Variants in PRC1 observed in about 807,000 individuals in gnomAD.
PRC1 encodes the protein protein regulator of cytokinesis 1.
In PRC1, 54 loss-of-function variants were observed where a neutral mutation model predicts 91.2. That is an observed-to-expected ratio of 0.59 (90% CI 0.48 to 0.74). The LOEUF is 0.74. Among genes scored for constraint, PRC1 ranks in the 30% least tolerant of loss-of-function variants. The pLI is 0.00. For missense variants in PRC1, 727 were observed against 746.2 expected (o/e 0.97, Z 0.30); for synonymous variants, 275 against 263.6 (o/e 1.04, Z -0.42).
chr15:90,968,722 G>A, intron 14 of PRC1: 1 of 1,120,390 alleles, frequency 8.9e-7, no homozygotes, highest in Non-Finnish European at 1.1e-6. Context: ...GAGCCTCATT[G>A]TAGGCAGCAC....
intron 12 of PRC1, 127 bp from the exon 13 acceptor site, chr15:90,969,750 G>C: frequency 1.3e-5 from 3 of 239,732 alleles, no homozygotes; most frequent in East Asian, 4.5e-5. Context: ...ATACTTTTTA[G>C]TTAAAAAAAA....
chr15:90,976,602 T>C (rs534498627), intron 9 of PRC1, 74 bp downstream of exon 9: 6 of 1,247,716 alleles, frequency 4.8e-6, no homozygotes, highest in Middle Eastern at 1.9e-4. Flanking sequence ...GGCTAAACAA[T>C]AGAAAGAAAA....
intron 1 of PRC1, among the ~76,000 whole-genome samples, chr15:90,990,151 T>C (rs1439893250): frequency 2.0e-5 from 3 of 151,674 alleles, no homozygotes; most frequent in Non-Finnish European, 4.4e-5. Context: ...GCCTGGCCAA[T>C]ATGGTGAAAC....
At chr15:90,983,850 G>A (rs779475649) in intron 3 of PRC1, 168 bp downstream of exon 3, 4 of 860,522 alleles carry the variant, frequency 4.6e-6, no homozygotes, top group Non-Finnish European at 6.8e-6. Flanking sequence ...CTACAGAGGT[G>A]AGAATTACTC....
chr15:90,989,982 G>A (rs2039862072), intron 1 of PRC1, among the ~76,000 whole-genome samples: 4 of 151,936 alleles, frequency 2.6e-5, no homozygotes, highest in Admixed American at 6.6e-5. Flanking sequence ...CCTCCCACCT[G>A]AGCCTCCGGA....
rs2039001253 is a variant in PRC1 at position 90,979,388 on chromosome 15, C to G, written c.971-94G>C. 3 of 1,376,774 alleles carry G rather than the reference C, an allele frequency of 2.2e-6. No individual in the cohort carries two copies. The South Asian group carries it at 4.0e-5, about 18-fold the overall frequency. 85.3% of individuals were successfully genotyped at this position (1,376,774 alleles called of 1,614,324 possible). ...CGATTCCCTAAAATGGAAATAGATTCTTTCCTTATAGTAAACTGATACAGG... is the reference window on the plus strand; with the variant it reads ...CGATTCCCTAAAATGGAAATAGATTGTTTCCTTATAGTAAACTGATACAGG... On this transcript the variant is annotated intron_variant, in intron 7 of 14. Transcript: ENST00000394249.
intron 8 of PRC1, among the ~76,000 whole-genome samples, chr15:90,977,504 G>A (rs1208770394): frequency 6.6e-6 from 1 of 151,050 alleles, no homozygotes; most frequent in African/African-American, 2.4e-5. Flanking sequence ...AGGATGGTAG[G>A]TAATTCATTT....
Position 90,969,106 on chromosome 15 carries a change from G to A in PRC1, c.1764C>T (p.Leu588=). The part of the protein sequence containing the change: ...TYSEFAKDPS[L]SDSSTVGLQR... ...GAAGCCCAACAGTGGAACTGTCAGA[G>A]AGGGACGGATCCTTCTAAGAACAAA... is the stretch of plus-strand genomic sequence containing the variant. Residue 588 remains leucine (L), a synonymous_variant, in exon 14 of 15, where the codon CTC becomes CTT. Coordinates refer to ENST00000394249, the MANE Select transcript of PRC1 (RefSeq NM_003981.4). 1 of 1,613,820 alleles carries A rather than the reference G, an allele frequency of 6.2e-7. No homozygotes were observed. The highest frequency in any genetic ancestry group is 1.3e-5 in the African/African-American group (1 of 75,030).
chr15:90,989,757 G>A (rs1162984833), intron 1 of PRC1, among the ~76,000 whole-genome samples: 13 of 152,076 alleles, frequency 8.5e-5, no homozygotes, highest in Non-Finnish European at 1.5e-5. Context: ...AATATTATTT[G>A]GCAATAAACC....
Position 90,974,467 on chromosome 15 carries a change from T to G in PRC1, c.1350+118A>C. The G allele has an allele frequency of 1.4e-6, 2 of 1,444,214 alleles. No individual in the cohort carries two copies. The highest frequency in any genetic ancestry group is 1.9e-6 in the Non-Finnish European group (2 of 1,062,130). 89.5% of individuals were successfully genotyped at this position (1,444,214 alleles called of 1,614,324 possible). On this transcript the variant is annotated intron_variant, in intron 10 of 14. Coordinates refer to ENST00000394249, the MANE Select transcript of PRC1 (RefSeq NM_003981.4). The surrounding 1 kb of genome is among the most constrained non-coding windows in gnomAD (Gnocchi z 4.6). ...CAAGCCCCGGTCCCCGGCTTCCCGT[T>G]CCACAAGCCCCGGTCCCCGGCTCCC...
chr15:90,993,070 CAAAAA>C (rs67427806), intron 1 of PRC1, among the ~76,000 whole-genome samples: 12 of 30,942 alleles, frequency 3.9e-4, no homozygotes, highest in African/African-American at 1.0e-3. Context: ...GACCCCGTCT[CAAAAA>C]AAAAAAAAAA....
At chr15:90,988,965 C>T (rs897922200) in intron 1 of PRC1, among the ~76,000 whole-genome samples, 3 of 152,048 alleles carry the variant, frequency 2.0e-5, no homozygotes, top group Non-Finnish European at 4.4e-5. Flanking sequence ...GTAAAGTGAT[C>T]GTTTTTCTGA....
chr15:90,992,919 G>C (rs1222688927), intron 1 of PRC1, among the ~76,000 whole-genome samples: 1 of 151,562 alleles, frequency 6.6e-6, no homozygotes, highest in African/African-American at 2.4e-5. Context: ...TCCAGAGAAG[G>C]AGCTTTGTTG....
rs752893447 is a variant in PRC1 at position 90,984,132 on chromosome 15, C to T, written c.153G>A (p.Leu51=). 2.5e-5 allele frequency: 41 copies of T among 1,614,064 alleles called. 1 individual carries two copies. Among genetic ancestry groups the T allele is most frequent in the South Asian group, 7.7e-5 (7 of 91,074 alleles). ...TTTCCTCTTCAGCAATCATCATATC[C>T]AGGAGTTCCTACAAGAGGGAAAACA... The part of the protein sequence containing the change: ...EVVKKHIKEL[L]DMMIAEEESL... The change falls in exon 3 of 15, where the codon CTG becomes CTA. Residue 51 remains leucine (L), a synonymous_variant. Transcript: ENST00000394249. This position sits in a 1 kb window ranked among gnomAD's most constrained non-coding sequence, Gnocchi z 5.1.
chr15:90,968,339 C>G (rs1023919352), intron 14 of PRC1: 1 of 985,418 alleles, frequency 1.0e-6, no homozygotes, highest in African/African-American at 1.7e-5. Context: ...CTAGCTGCAG[C>G]CTTGGCCAAC....
rs916550351 is a variant in PRC1, at chr15:90,981,703, G to T, written c.502-34C>A. The T allele has an allele frequency of 2.5e-6, 4 of 1,609,126 alleles. No individual in the cohort carries two copies. In the African/African-American group the frequency reaches 4.0e-5, roughly 16 times the overall value. ...CAAAGCAATTACAAGATACCTAGAG[G>T]AAAACCAAAGTGACTTTTAGGAAGA... On this transcript the variant is annotated intron_variant, in intron 4 of 14. Coordinates refer to ENST00000394249, the MANE Select transcript of PRC1 (RefSeq NM_003981.4).
At chr15:90,967,475 A>G in intron 14 of PRC1, 1 of 450,870 alleles carries the variant, frequency 2.2e-6, no homozygotes, top group Non-Finnish European at 4.0e-6. Context: ...TCCTTCATAC[A>G]GTCATGCACT....
chr15:90,981,407 C>T, intron 5 of PRC1, 92 bp downstream of exon 5: 1 of 1,389,288 alleles, frequency 7.2e-7, no homozygotes, highest in Non-Finnish European at 1.0e-6. Context: ...CTTACATTGT[C>T]TCCTTATTTA....
intron 1 of PRC1, 27 bp downstream of exon 1, chr15:90,994,380 T>A (rs369704697): frequency 7.3e-5 from 118 of 1,611,712 alleles, no homozygotes; most frequent in Non-Finnish European, 9.7e-5. Context: ...CCCTCCCGCG[T>A]CCCCTCGATT....
Sources: gnomAD v4.1 joint callset for allele counts (sites outside exome capture counted in the v4.1 genomes callset) on GRCh38, gnomAD v4.1.1 for gene constraint, Gnocchi (gnomAD v3.1) non-coding constraint, MANE v1.5 for transcripts, NCBI Gene and HGNC (gene_info 2026-07-23, HGNC 2026-07-21) for gene names.